MYH1: variants seen among roughly 807,000 people sequenced by gnomAD.
MYH1 encodes myosin-1.
Under a neutral mutation model 225.6 loss-of-function variants are expected in MYH1, and 214 were observed. That is an observed-to-expected ratio of 0.95 (90% CI 0.85 to 1.06). The LOEUF (loss-of-function observed/expected upper bound fraction) is 1.06, where lower values mean the gene tolerates loss of function less well. Ranked by LOEUF, MYH1 falls within the 50% of genes least tolerant of loss-of-function variation. The pLI is 0.00. For synonymous variants in MYH1, 774 were observed against 842.3 expected, an observed-to-expected ratio of 0.92 and a Z score of 1.40; for missense variants, 2,098 against 2,344.2, an observed-to-expected ratio of 0.89 and a Z score of 2.17.
At position 10,516,423 on chromosome 17, in the gene MYH1, A is replaced by T. The variant is rs749521140; in HGVS notation, c.204+16T>A. 3.0e-5 allele frequency: 49 copies of T among 1,614,120 alleles called. No homozygotes were observed. The highest frequency in any genetic ancestry group is 4.2e-5 in the Non-Finnish European group (49 of 1,180,062). On this transcript the variant is annotated intron_variant, in intron 3 of 39. Transcript: ENST00000226207. Reference sequence around the variant, plus strand: ...AATGAGGCAGAGTCTAATCAGCTCCAGGTGTTTTTACTCACAGCTCCAGCT... The same window carrying T: ...AATGAGGCAGAGTCTAATCAGCTCCTGGTGTTTTTACTCACAGCTCCAGCT...
In MYH1 at chr17:10,512,136, G is replaced by A. The variant is rs776579249; in HGVS notation, c.1204C>T (p.Leu402Phe). Residue 402 changes from leucine to phenylalanine, a missense_variant, in exon 13 of 40, where the codon CTC becomes TTC. Transcript: ENST00000226207. ...CCGACCTTGACCCTAGGGTAGCAGAGGGCTTTGAGCAGATCTGCAGAGTTC... is the reference window on the plus strand; with the variant it reads ...CCGACCTTGACCCTAGGGTAGCAGAAGGCTTTGAGCAGATCTGCAGAGTTC... ...NLNSADLLKA[L>F]CYPRVKVGNE... The A allele has an allele frequency of 2.5e-6, 4 of 1,614,192 alleles. No individual in the cohort carries two copies. The highest frequency in any genetic ancestry group is 3.4e-6 in the Non-Finnish European group (4 of 1,180,026).
chr17:10,494,441 T>A lies in MYH1; in HGVS notation c.5580A>T (p.Glu1860Asp), dbSNP rs1567714039. Residue 1860 changes from glutamate (E) to aspartate (D), a missense_variant, in exon 39 of 40, where the codon GAA (glutamate) becomes GAT (aspartate). Transcript: ENST00000226207. ...KVKELTYQTE[E>D]DRKNILRLQD... ...GGAGCCTGAGAATATTCTTGCGGTC[T>A]TCCTCAGTCTGAAATAATGTTTTCA... 1 of 1,613,626 alleles carries A rather than the reference T, an allele frequency of 6.2e-7. No homozygotes were observed. The highest frequency in any genetic ancestry group is 8.5e-7 in the Non-Finnish European group (1 of 1,179,948).
At position 10,498,696 on chromosome 17, in the gene MYH1, C is replaced by T. The variant is rs1203608310; in HGVS notation, c.4111G>A (p.Glu1371Lys). The T allele has an allele frequency of 2.5e-6, 4 of 1,614,054 alleles. No individual in the cohort carries two copies. Among genetic ancestry groups the T allele is most frequent in the Middle Eastern group, 1.7e-4 (1 of 6,056 alleles). ...LQRAMSKANS[E>K]VAQWRTKYET... Reference sequence around the variant, plus strand: ...TATTTGGTCCTCCACTGGGCAACCTCACTGTTGGCCTTGGACATTGCTCTC... The same window carrying T: ...TATTTGGTCCTCCACTGGGCAACCTTACTGTTGGCCTTGGACATTGCTCTC... The change falls in exon 30 of 40, where the codon GAG (glutamate) becomes AAG (lysine). Residue 1371 changes from glutamate to lysine, a missense_variant. Transcript: ENST00000226207.
At position 10,505,794 on chromosome 17, in the gene MYH1, A is replaced by G; in HGVS notation, c.2174+18T>C. On this transcript the variant is annotated intron_variant, in intron 19 of 39. Coordinates refer to ENST00000226207, the MANE Select transcript of MYH1 (RefSeq NM_005963.4). ...TAATAAAAACCTCTTAAAATAATTT[A>G]CAGCAAAAATGTCTGACCTCTGTTT... 2 of 1,613,530 alleles carry G rather than the reference A, an allele frequency of 1.2e-6. No individual in the cohort carries two copies. Among genetic ancestry groups the G allele is most frequent in the Non-Finnish European group, 1.7e-6 (2 of 1,179,658 alleles).
At position 10,511,835 on chromosome 17, in the gene MYH1, T is replaced by G. The variant is rs1473502157; in HGVS notation, c.1416+4A>C. ...TTTTTGGTACAATTTTTCTGCTAAC[T>G]CACATCAAAGATCTCAAAGCCAGCA... On this transcript the variant is annotated splice_donor_region_variant and intron_variant, in intron 14 of 39. Transcript: ENST00000226207. 6.2e-7 allele frequency: 1 copy of G among 1,614,118 alleles called. No individual in the cohort carries two copies. Among genetic ancestry groups the G allele is most frequent in the South Asian group, 1.1e-5 (1 of 91,078 alleles).
At chr17:10,508,768 C>A in intron 15 of MYH1, 96 bp from the exon 16 acceptor site, 2 of 1,481,310 alleles carry the variant, frequency 1.4e-6, no homozygotes, top group South Asian at 1.4e-5. Context: ...GTAAATTCAT[C>A]CTTTAATTCT....
At chr17:10,493,741 GATA>G (rs1257845250) in intron 39 of MYH1, among the ~76,000 whole-genome samples, 1 of 152,130 alleles carries the variant, frequency 6.6e-6, no homozygotes, top group Non-Finnish European at 1.5e-5. Context: ...CCATAAACTT[GATA>G]AATTACTCTT....
intron 24 of MYH1, among the ~76,000 whole-genome samples, chr17:10,502,388 C>T (rs1004558113): frequency 6.6e-6 from 1 of 152,180 alleles, no homozygotes; most frequent in African/African-American, 2.4e-5. Context: ...TGCTATGCTG[C>T]CTTCTTAGAA....
chr17:10,502,649 G>C lies in MYH1; in HGVS notation c.3111+89C>G, dbSNP rs556710769. ...CTCATTCATAGGAGGCACTTGATAA[G>C]TACTCACTATATCATAACGACACAA... On this transcript the variant is annotated intron_variant, in intron 24 of 39. Coordinates refer to ENST00000226207, the MANE Select transcript of MYH1 (RefSeq NM_005963.4). The C allele has an allele frequency of 9.4e-5, 147 of 1,571,418 alleles. No homozygotes were observed. In the African/African-American group the frequency reaches 1.9e-3, roughly 20 times the overall value.
intron 27 of MYH1, 46 bp from the exon 28 acceptor site, chr17:10,500,798 C>T (rs772818670): frequency 1.2e-6 from 2 of 1,612,236 alleles, no homozygotes; most frequent in African/African-American, 1.3e-5. Context: ...AGTAGTTGGA[C>T]CAAAGAAAGT....
chr17:10,506,069 T>G lies in MYH1; in HGVS notation c.1999A>C (p.Arg667=). 6.2e-7 allele frequency: 1 copy of G among 1,614,242 alleles called. No homozygotes were observed. The highest frequency in any genetic ancestry group is 8.5e-7 in the Non-Finnish European group (1 of 1,180,040). The change falls in exon 18 of 40, where the codon AGG becomes CGG. Residue 667 remains arginine (R), a synonymous_variant. Transcript: ENST00000226207. ...CGCACAAAGTGGGGGTGAGTGCTCC[T>G]CAAGTTGGTCATCAGCTTATTCAAA... is the stretch of plus-strand genomic sequence containing the variant. ...ENLNKLMTNL[R]STHPHFVRCI... is the part of the protein sequence containing the mutation.
chr17:10,495,991 G>A lies in MYH1; in HGVS notation c.5128C>T (p.Leu1710Phe). The A allele has an allele frequency of 6.2e-7, 1 of 1,614,064 alleles. No individual in the cohort carries two copies. The change falls in exon 35 of 40, where the codon CTC becomes TTC. Residue 1710 changes from leucine to phenylalanine, a missense_variant. Leu to Phe is a conservative substitution (Grantham distance 22). Transcript: ENST00000226207. The stretch of plus-strand genomic sequence containing the variant: ...TGAACACGCTCACTGGCATCCAGGA[G>A]CTCCTGTTCTGCGATTTTCCTGCTC... ...ERSRKIAEQE[L>F]LDASERVQLL...
At chr17:10,514,178 A>G (rs1004101665) in intron 6 of MYH1, 54 bp from the exon 7 acceptor site, 15 of 1,585,228 alleles carry the variant, frequency 9.5e-6, no homozygotes, top group Non-Finnish European at 1.3e-5. Context: ...TGAAACTACA[A>G]CTACCTCATG....
At chr17:10,512,016 T>C in intron 13 of MYH1, 28 bp from the exon 14 acceptor site, 1 of 1,614,174 alleles carries the variant, frequency 6.2e-7, no homozygotes, top group Non-Finnish European at 8.5e-7. Context: ...GTTGGTGTTA[T>C]TAAAGACATG....
chr17:10,501,611 T>A lies in MYH1; in HGVS notation c.3331A>T (p.Lys1111Ter), dbSNP rs2073058564. ...EQALGMQLQK[K>*]IKELQARIEE... ...TAACGTACTTGTAACTCCTTGATTTTCTTCTGCAGCTGCATACCAAGGGCT... is the reference window on the plus strand; with the variant it reads ...TAACGTACTTGTAACTCCTTGATTTACTTCTGCAGCTGCATACCAAGGGCT... Residue 1111 changes from lysine to a stop codon, truncating the protein, a stop_gained, in exon 26 of 40, where the codon AAA becomes TAA. Transcript: ENST00000226207. LOFTEE classifies it high-confidence loss of function. 1 of 1,614,122 alleles carries A rather than the reference T, an allele frequency of 6.2e-7. No individual in the cohort carries two copies. The highest frequency in any genetic ancestry group is 8.5e-7 in the Non-Finnish European group (1 of 1,180,048).
chr17:10,512,560 T>C lies in MYH1; in HGVS notation c.1009-14A>G, dbSNP rs766451172. 6.8e-6 allele frequency: 11 copies of C among 1,613,954 alleles called. No homozygotes were observed. The highest frequency in any genetic ancestry group is 1.1e-5 in the South Asian group (1 of 91,070). ...TTCAATGGCACTCTACCATGAGAGA[T>C]GAGAAGACAAAGATTAGGGCACAAG... On this transcript the variant is annotated splice_polypyrimidine_tract_variant and intron_variant, in intron 11 of 39. Coordinates refer to ENST00000226207, the MANE Select transcript of MYH1 (RefSeq NM_005963.4).
intron 27 of MYH1, 142 bp downstream of exon 27, chr17:10,500,968 C>T: frequency 7.1e-7 from 1 of 1,399,716 alleles, no homozygotes; most frequent in Non-Finnish European, 9.6e-7. Context: ...GTTAATCTAA[C>T]TACTTTACTA....
Position 10,494,553 on chromosome 17 carries a change from A to G in MYH1, c.5571+16T>C, listed in dbSNP as rs1349914113. The G allele has an allele frequency of 6.2e-7, 1 of 1,613,170 alleles. No individual in the cohort carries two copies. Among genetic ancestry groups the G allele is most frequent in the Non-Finnish European group, 8.5e-7 (1 of 1,179,664 alleles). On this transcript the variant is annotated intron_variant, in intron 38 of 39. Coordinates refer to ENST00000226207, the MANE Select transcript of MYH1 (RefSeq NM_005963.4). ...TGTGGACTAAAGTGAAAACCTAGAC[A>G]GGCCATTTTCCTTACTTGGTAAGTG... is the stretch of plus-strand genomic sequence containing the variant.
chr17:10,517,591 G>A (rs958837148), intron 2 of MYH1, among the ~76,000 whole-genome samples: 3 of 152,092 alleles, frequency 2.0e-5, no homozygotes, highest in Admixed American at 6.5e-5. Context: ...TTCCAGGGAA[G>A]CTCATTTGGA....
Sources: gnomAD v4.1 joint callset for allele counts (sites outside exome capture counted in the v4.1 genomes callset) on GRCh38, gnomAD v4.1.1 for gene constraint, MANE v1.5 for transcripts, NCBI Gene and HGNC (gene_info 2026-07-23, HGNC 2026-07-21) for gene names.